MTA1: variants seen among roughly 807,000 people sequenced by gnomAD.
The protein encoded by MTA1 is metastasis associated 1.
MTA1 carries 15 observed loss-of-function variants against 97.0 expected under a neutral mutation model. That is an observed-to-expected ratio of 0.15 (90% CI 0.10 to 0.24). MTA1 has a LOEUF of 0.24. Among genes scored for constraint, MTA1 ranks in the 10% least tolerant of loss-of-function variants. MTA1 has a pLI of 1.00. For missense variants in MTA1, 709 were observed against 1,015.1 expected, an observed-to-expected ratio of 0.70 and a Z score of 4.10; for synonymous variants, 435 against 417.5, an observed-to-expected ratio of 1.04 and a Z score of -0.51.
chr14:105,427,919 G>A (rs1555422574), intron 1 of MTA1, among the ~76,000 whole-genome samples: 1 of 144,886 alleles, frequency 6.9e-6, no homozygotes, highest in African/African-American at 2.9e-5. Context: ...TTGGGAGGCC[G>A]AGGCATGAGA....
intron 16 of MTA1, chr14:105,465,490 T>G: frequency 3.9e-5 from 9 of 229,094 alleles, no homozygotes; most frequent in Non-Finnish European, 6.8e-5. Context: ...CGCTACCCTG[T>G]TCCCTGTGTT....
At chr14:105,440,546 G>A (rs1481507065) in intron 2 of MTA1, among the ~76,000 whole-genome samples, 7 of 152,388 alleles carry the variant, frequency 4.6e-5, no homozygotes, top group East Asian at 3.9e-4. Context: ...GATTGCAGGC[G>A]TGTGCAGGCA....
intron 3 of MTA1, among the ~76,000 whole-genome samples, chr14:105,446,723 CA>C (rs2082730054): frequency 6.6e-6 from 1 of 152,254 alleles, no homozygotes; most frequent in Admixed American, 6.5e-5. Flanking sequence ...GACCTTTCCT[CA>C]GCAACCAGTG....
At chr14:105,435,123 C>T (rs1337479322) in intron 1 of MTA1, among the ~76,000 whole-genome samples, 1 of 152,132 alleles carries the variant, frequency 6.6e-6, no homozygotes, top group African/African-American at 2.4e-5. Flanking sequence ...AATGTATTAC[C>T]AGGCTGAGGA....
chr14:105,464,707 A>G lies in MTA1; in HGVS notation c.1378A>G (p.Ser460Gly). The G allele has an allele frequency of 2.5e-6, 4 of 1,606,402 alleles. No individual in the cohort carries two copies. The highest frequency in any genetic ancestry group is 3.4e-6 in the Non-Finnish European group (4 of 1,175,184). Residue 460 changes from serine (S) to glycine (G), a missense_variant, in exon 15 of 21, where the codon AGC becomes GGC. By Grantham distance (56) the Ser-to-Gly change is moderately conservative. Around this residue, in one of 2 missense-constraint regions of MTA1, gnomAD observed 388 missense variants for 421.6 expected, o/e 0.92. Coordinates refer to ENST00000331320, the MANE Select transcript of MTA1 (RefSeq NM_004689.4). The part of the protein sequence containing the change: ...PHGLPARSSG[S>G]PKFAMKTRQA... ...CGGCCTCCCAGCCCGGAGCAGCGGG[A>G]GCCCCAAGTTTGCCATGAAGACCAG...
intron 3 of MTA1, 49 bp downstream of exon 3, chr14:105,445,560 G>A (rs1555426924): frequency 1.9e-6 from 3 of 1,597,618 alleles, no homozygotes; most frequent in East Asian, 2.3e-5. Context: ...GGGTCGGCTG[G>A]GGAGGGCTGG....
intron 1 of MTA1, among the ~76,000 whole-genome samples, chr14:105,425,003 G>T (rs1218378419): frequency 6.6e-6 from 1 of 152,226 alleles, no homozygotes; most frequent in African/African-American, 2.4e-5. Flanking sequence ...CTAGAGGTGG[G>T]TCCCCAGCTG....
At chr14:105,439,115 G>C (rs1159561118) in intron 2 of MTA1, among the ~76,000 whole-genome samples, 3 of 46,146 alleles carry the variant, frequency 6.5e-5, no homozygotes, top group African/African-American at 2.3e-4. Flanking sequence ...TGCCCTGCCC[G>C]AACCCTGGCA....
intron 1 of MTA1, among the ~76,000 whole-genome samples, chr14:105,426,306 G>A (rs1323293409): frequency 6.6e-6 from 1 of 150,944 alleles, no homozygotes; most frequent in Non-Finnish European, 1.5e-5. Flanking sequence ...ATGAGCCCAT[G>A]GATGTTGCAG....
At position 105,420,618 on chromosome 14, in the gene MTA1, A is replaced by T. The variant is rs1245086545; in HGVS notation, c.28+555A>T. 6.6e-5 allele frequency among the ~76,000 whole-genome samples: 10 copies of T among 152,146 alleles called. No homozygotes were observed. The highest frequency in any genetic ancestry group is 1.3e-4 in the Non-Finnish European group (9 of 67,994). On this transcript the variant is annotated intron_variant, in intron 1 of 20. Transcript: ENST00000331320. The surrounding 1 kb of genome is among the most constrained non-coding windows in gnomAD (Gnocchi z 5.3). Reference sequence around the variant, plus strand: ...AGGGGGTCTTCAGCAGGGAGCGAGCATCCCGAGCACGCCTCTAAGTCCCCC... The same window carrying T: ...AGGGGGTCTTCAGCAGGGAGCGAGCTTCCCGAGCACGCCTCTAAGTCCCCC...
At chr14:105,436,820 A>T (rs587707543) in intron 1 of MTA1, among the ~76,000 whole-genome samples, 50 of 152,214 alleles carry the variant, frequency 3.3e-4, no homozygotes, top group African/African-American at 9.9e-4. Context: ...GACCTTTTTT[A>T]AAAAAAAGTT....
rs587772055 is a variant in MTA1 at position 105,420,720 on chromosome 14, C to T, written c.28+657C>T. Among the ~76,000 whole-genome samples, 255 of 152,354 alleles carry T rather than the reference C, an allele frequency of 1.7e-3. 1 individual carries two copies. Among genetic ancestry groups the T allele is most frequent in the African/African-American group, 5.8e-3 (241 of 41,592 alleles). On this transcript the variant is annotated intron_variant, in intron 1 of 20. Coordinates refer to ENST00000331320, the MANE Select transcript of MTA1 (RefSeq NM_004689.4). The surrounding 1 kb of genome is among the most constrained non-coding windows in gnomAD (Gnocchi z 5.3). ...CAAGGGTTGGGGAGAGGCCGGAGGGCCTCCTGGGCAGGGGCTTCCTCCGTG... is the reference window on the plus strand; with the variant it reads ...CAAGGGTTGGGGAGAGGCCGGAGGGTCTCCTGGGCAGGGGCTTCCTCCGTG...
Position 105,464,452 on chromosome 14 carries a change from C to T in MTA1, c.1229C>T (p.Pro410Leu). The T allele has an allele frequency of 6.2e-7, 1 of 1,613,652 alleles. No individual in the cohort carries two copies. Among genetic ancestry groups the T allele is most frequent in the Non-Finnish European group, 8.5e-7 (1 of 1,179,944 alleles). Residue 410 changes from proline to leucine, a missense_variant, in exon 14 of 21, where the codon CCT (proline) becomes CTT (leucine). Physicochemically the swap from Pro to Leu is moderately conservative, Grantham distance 98. Around this residue, in one of 2 missense-constraint regions of MTA1, gnomAD observed 321 missense variants for 593.5 expected, o/e 0.54. Coordinates refer to ENST00000331320, the MANE Select transcript of MTA1 (RefSeq NM_004689.4). ...QSYQWYSWGPPNMQCRLCASC... is the reference protein window; with the variant it reads ...QSYQWYSWGPLNMQCRLCASC... ...TACCAGTGGTATTCTTGGGGTCCCC[C>T]TAACATGCAGTGTCGTCTCTGCGCA...
intron 3 of MTA1, among the ~76,000 whole-genome samples, chr14:105,446,612 C>A (rs184347021): frequency 6.6e-6 from 1 of 152,358 alleles, no homozygotes; most frequent in Non-Finnish European, 1.5e-5. Context: ...ATCCTGCCAC[C>A]GATGCCTTGT....
chr14:105,429,072 A>G (rs1455901943), intron 1 of MTA1, among the ~76,000 whole-genome samples: 3 of 152,096 alleles, frequency 2.0e-5, no homozygotes, highest in African/African-American at 7.2e-5. Context: ...CTTGAACTTC[A>G]TGGGCCAACT....
chr14:105,442,140 T>C (rs1288759487), intron 2 of MTA1, among the ~76,000 whole-genome samples: 1 of 152,158 alleles, frequency 6.6e-6, no homozygotes, highest in Admixed American at 6.5e-5. Flanking sequence ...AAGGTGTATT[T>C]AAAATTTTAG....
intron 2 of MTA1, among the ~76,000 whole-genome samples, chr14:105,441,754 A>G (rs189470229): frequency 0.037 from 5,600 of 152,278 alleles, 163 homozygotes; most frequent in Middle Eastern, 0.085. Context: ...AGATCCCGCC[A>G]CTACACTCCA....
At chr14:105,454,340 C>CTCTGT (rs1555429411) in intron 7 of MTA1, 30 bp downstream of exon 7, 4 of 1,513,386 alleles carry the variant, frequency 2.6e-6, no homozygotes, top group Non-Finnish European at 3.7e-6. Flanking sequence ...GCATGGAGCC[C>CTCTGT]TCTGTCCTGT....
intron 19 of MTA1, 26 bp from the exon 20 acceptor site, chr14:105,469,815 G>A: frequency 6.3e-7 from 1 of 1,587,028 alleles, no homozygotes; most frequent in Non-Finnish European, 8.6e-7. Flanking sequence ...TTGGCTGGCT[G>A]CCCAGGAAGT....
Sources: gnomAD v4.1 joint callset for allele counts (sites outside exome capture counted in the v4.1 genomes callset) on GRCh38, gnomAD v4.1.1 for gene constraint, gnomAD v4.1.1 regional missense constraint, Gnocchi (gnomAD v3.1) non-coding constraint, MANE v1.5 for transcripts, NCBI Gene and HGNC (gene_info 2026-07-23, HGNC 2026-07-21) for gene names.